RBPJ: variants seen among roughly 807,000 people sequenced by gnomAD.
The protein encoded by RBPJ is recombining binding protein suppressor of hairless.
RBPJ carries 9 observed loss-of-function variants against 67.8 expected under a neutral mutation model. The ratio of observed to expected loss-of-function variants is 0.13; its 90% CI spans 0.08 to 0.23. The LOEUF is 0.23. Ranked by LOEUF, RBPJ falls within the 10% of genes least tolerant of loss-of-function variation. RBPJ has a pLI of 1.00. For missense variants in RBPJ, 305 were observed against 595.6 expected (o/e 0.51, Z 5.08); for synonymous variants, 198 against 203.3 (o/e 0.97, Z 0.22).
chr4:26,274,936 CA>C (rs964007130), intron 1 of RBPJ, among the ~76,000 whole-genome samples: 1 of 147,790 alleles, frequency 6.8e-6, no homozygotes, highest in South Asian at 2.1e-4. Context: ...GACACCGTCT[CA>C]AAAAAACAAA....
chr4:26,193,542 C>A (rs1717645361), intron 1 of RBPJ, among the ~76,000 whole-genome samples: 1 of 152,002 alleles, frequency 6.6e-6, no homozygotes, highest in African/African-American at 2.4e-5. Flanking sequence ...ACATTTTCCA[C>A]TGGGTTTGAG....
the RBPJ span, among the ~76,000 whole-genome samples, chr4:26,107,350 C>A: frequency 6.6e-6 from 1 of 152,168 alleles, no homozygotes; most frequent in Non-Finnish European, 1.5e-5. Context: ...CCTCTCAGGG[C>A]CCTGCTTCCA....
At chr4:26,372,213 T>C (rs1269059652) in intron 1 of RBPJ, among the ~76,000 whole-genome samples, 4 of 152,162 alleles carry the variant, frequency 2.6e-5, no homozygotes, top group African/African-American at 2.4e-5. Flanking sequence ...AGAAGATAAT[T>C]TGGAAATCCA....
At chr4:26,270,688 G>T (rs1044216714) in intron 1 of RBPJ, among the ~76,000 whole-genome samples, 10 of 151,458 alleles carry the variant, frequency 6.6e-5, no homozygotes, top group African/African-American at 2.4e-4. Context: ...GATCTACCCA[G>T]GTCCAGTTAG....
intron 1 of RBPJ, among the ~76,000 whole-genome samples, chr4:26,356,757 C>T (rs546923818): frequency 1.3e-5 from 2 of 152,292 alleles, no homozygotes; most frequent in East Asian, 3.9e-4. Context: ...AACAACACTG[C>T]AGTGAATATC....
At chr4:26,143,076 T>C in the RBPJ span, among the ~76,000 whole-genome samples, 177 of 152,344 alleles carry the variant, frequency 1.2e-3, 1 homozygote, top group African/African-American at 3.3e-3. Flanking sequence ...CATTTCACTA[T>C]GTAATGACTA....
intron 1 of RBPJ, among the ~76,000 whole-genome samples, chr4:26,174,838 T>TAC (rs777319250): frequency 1.3e-5 from 2 of 152,154 alleles, no homozygotes; most frequent in Admixed American, 1.3e-4. Flanking sequence ...TGTATATATA[T>TAC]ACACACATAT....
At chr4:26,408,620 C>G (rs3113016) in intron 3 of RBPJ, among the ~76,000 whole-genome samples, 85,343 of 151,892 alleles carry the variant, frequency 0.56, 24,153 homozygotes, top group Admixed American at 0.65. Flanking sequence ...ACATGATTCC[C>G]AAAGTGCTTT....
intron 1 of RBPJ, among the ~76,000 whole-genome samples, chr4:26,285,048 G>A (rs1417602546): frequency 6.6e-6 from 1 of 151,686 alleles, no homozygotes; most frequent in Admixed American, 6.6e-5. Flanking sequence ...GTAGAGATGA[G>A]GTTTCACCAT....
At chr4:26,281,340 G>A (rs528124945) in intron 1 of RBPJ, among the ~76,000 whole-genome samples, 13 of 152,168 alleles carry the variant, frequency 8.5e-5, no homozygotes, top group South Asian at 2.1e-4. Flanking sequence ...GTGCAATGGC[G>A]TAAACTCGGC....
rs535976071 is a variant in RBPJ, at chr4:26,221,244, C to T, written c.-167+57630C>T. On this transcript the variant is annotated intron_variant, in intron 1 of 4. Transcript: ENST00000512351. ...TAGCTGGGACTACAGGCGCCCGCCA[C>T]CACGCCCGGCTAATTTTTTGTATTT... Among the ~76,000 whole-genome samples, 19 of 152,278 alleles carry T rather than the reference C, an allele frequency of 1.2e-4. No individual in the cohort carries two copies. The South Asian group carries it at 3.9e-3, about 32-fold the overall frequency.
rs376266478 is a variant in RBPJ at position 26,395,205 on chromosome 4, C to T, written c.59+8814C>T. On this transcript the variant is annotated intron_variant, in intron 2 of 10. Transcript: ENST00000355476. Reference sequence around the variant, plus strand: ...GGCATGGTGGCTCAAGCCTGTAATCCCAGCATTTTGGGTGGCCAAGGCAGG... The same window carrying T: ...GGCATGGTGGCTCAAGCCTGTAATCTCAGCATTTTGGGTGGCCAAGGCAGG... Among the ~76,000 whole-genome samples the T allele has an allele frequency of 8.5e-5, 13 of 152,150 alleles. No homozygotes were observed. The East Asian group carries it at 1.9e-3, about 23-fold the overall frequency.
intron 1 of RBPJ, among the ~76,000 whole-genome samples, chr4:26,193,312 G>A (rs555475081): frequency 6.6e-6 from 1 of 152,310 alleles, no homozygotes; most frequent in African/African-American, 2.4e-5. Flanking sequence ...GCAACAGGTT[G>A]CCCAGAGCAA....
At chr4:26,161,226 G>A (rs141933017), upstream of RBPJ, among the ~76,000 whole-genome samples, 35 of 152,314 alleles carry the variant, frequency 2.3e-4, no homozygotes, top group African/African-American at 7.9e-4. Flanking sequence ...CTGCTGGAGG[G>A]TGACAGGCTA....
At chr4:26,319,160 G>A (rs925658350), upstream of RBPJ, among the ~76,000 whole-genome samples, 18 of 152,032 alleles carry the variant, frequency 1.2e-4, no homozygotes, top group Non-Finnish European at 5.9e-5. Flanking sequence ...GAGGCGGGGG[G>A]CGCGGTGTCT....
chr4:26,315,573 T>G (rs1722583955), upstream of RBPJ, among the ~76,000 whole-genome samples: 1 of 152,124 alleles, frequency 6.6e-6, no homozygotes, highest in African/African-American at 2.4e-5. Flanking sequence ...GATGAGGGTT[T>G]ATGTTCAGCT....
chr4:26,361,294 T>A lies in RBPJ; in HGVS notation c.21-25059T>A, dbSNP rs903656420. ...TATAATTCTGTCGCCATTATCAGCT[T>A]TCTGAAGAGTGACCTACATTTTATA... On this transcript the variant is annotated intron_variant, in intron 1 of 10. Coordinates refer to ENST00000355476, the MANE Select transcript of RBPJ (RefSeq NM_015874.6). Among the ~76,000 whole-genome samples, 9 of 152,330 alleles carry A rather than the reference T, an allele frequency of 5.9e-5. No homozygotes were observed. In the East Asian group the frequency reaches 7.7e-4, roughly 13 times the overall value.
At chr4:26,296,000 G>T (rs997768272) in intron 1 of RBPJ, among the ~76,000 whole-genome samples, 1 of 152,136 alleles carries the variant, frequency 6.6e-6, no homozygotes, top group Non-Finnish European at 1.5e-5. Flanking sequence ...ACTACTATAA[G>T]AGCACCTGAA....
chr4:26,215,298 AAG>A lies in RBPJ; in HGVS notation c.-167+51692_-167+51693del, dbSNP rs1218028744. On this transcript the variant is annotated intron_variant, in intron 1 of 4. Coordinates refer to the RBPJ transcript ENST00000512351. ...AAAAAGAGAGAGAAAGAAAGAGAAA[AAG>A]AGAGAGAAAAGAGAAAGAAAGAAAG... Among the ~76,000 whole-genome samples the A allele has an allele frequency of 1.0e-3, 124 of 123,270 alleles. 3 individuals carry two copies. Among genetic ancestry groups the A allele is most frequent in the Non-Finnish European group, 1.6e-3 (93 of 59,638 alleles). 80.9% of individuals were successfully genotyped at this position (123,270 alleles called of 152,430 possible).
Sources: allele counts gnomAD v4.1 joint callset (sites outside exome capture counted in the v4.1 genomes callset), GRCh38; gene constraint gnomAD v4.1.1; transcripts MANE v1.5; gene names NCBI Gene and HGNC (gene_info 2026-07-23, HGNC 2026-07-21).